PPFIA3: variants seen among roughly 807,000 people sequenced by gnomAD.
PPFIA3 encodes the protein liprin-alpha-3.
PPFIA3 carries 26 observed loss-of-function variants against 145.8 expected under a neutral mutation model. The ratio of observed to expected loss-of-function variants is 0.18; its 90% CI spans 0.13 to 0.25. The LOEUF (loss-of-function observed/expected upper bound fraction) is 0.25, where lower values mean the gene tolerates loss of function less well. Ranked by LOEUF, PPFIA3 falls within the 10% of genes least tolerant of loss-of-function variation. The probability of loss-of-function intolerance (pLI) is 1.00; values close to 1 mark genes in which losing one functional copy is unlikely to be tolerated. For synonymous variants in PPFIA3, 645 were observed against 661.4 expected (o/e 0.98, Z 0.38); for missense variants, 1,008 against 1,587.8 (o/e 0.63, Z 6.21).
chr19:49,127,332 G>C (rs2041011863), intron 1 of PPFIA3, among the ~76,000 whole-genome samples: 1 of 136,444 alleles, frequency 7.3e-6, no homozygotes. Flanking sequence ...AGGCTGCAGT[G>C]AGCCGAGATC....
intron 1 of PPFIA3, 135 bp downstream of exon 1, chr19:49,119,857 C>T (rs1031534196): frequency 1.3e-5 from 2 of 152,128 alleles, no homozygotes; most frequent in Non-Finnish European, 2.9e-5. Flanking sequence ...CACCCCAACC[C>T]CGGGGACTCA....
At chr19:49,125,960 G>GTT (rs113558397) in intron 1 of PPFIA3, among the ~76,000 whole-genome samples, 4 of 149,178 alleles carry the variant, frequency 2.7e-5, no homozygotes, top group African/African-American at 7.4e-5. Flanking sequence ...TGTTTGTTTT[G>GTT]TTTTTTTTTG....
chr19:49,137,135 C>T (rs1054847693), intron 15 of PPFIA3: 1 of 407,574 alleles, frequency 2.5e-6, no homozygotes, highest in East Asian at 3.6e-5. Flanking sequence ...ACTCACCATT[C>T]CCCAACACAC....
chr19:49,151,009 A>G lies in PPFIA3; in HGVS notation c.*787A>G. On this transcript the variant is annotated 3_prime_UTR_variant, in exon 30 of 30. Coordinates refer to ENST00000334186, the MANE Select transcript of PPFIA3 (RefSeq NM_003660.4). ...GGCGTCACTCAGTGATCACGGGTAA[A>G]GAGAACTGTTTCAAAAAGCTTCCTT... 3.2e-6 allele frequency: 1 copy of G among 317,364 alleles called. No homozygotes were observed. The highest frequency in any genetic ancestry group is 5.7e-6 in the Non-Finnish European group (1 of 175,990). The allele number at this position is 317,364 out of a possible 1,614,324, so 19.7% of individuals were successfully genotyped here. A position where few individuals can be genotyped will look rare whatever the true frequency, so the allele number is the denominator to read the frequency against.
At chr19:49,134,752 A>C in intron 12 of PPFIA3, 51 bp downstream of exon 12, 2 of 1,612,192 alleles carry the variant, frequency 1.2e-6, no homozygotes, top group Non-Finnish European at 1.7e-6. Flanking sequence ...GTGGTTGCTG[A>C]GGCTAGGGTC....
intron 11 of PPFIA3, 143 bp from the exon 12 acceptor site, chr19:49,134,496 T>C (rs2041113895): frequency 2.5e-6 from 2 of 803,972 alleles, no homozygotes; most frequent in African/African-American, 3.4e-5. Context: ...TCGTTGCCCC[T>C]GCTCCCCCGA....
chr19:49,150,123 G>T lies in PPFIA3; in HGVS notation c.3570G>T (p.Arg1190=). ...CCCGGGCAGACGGCGTTTCGGTCCG[G>T]ACCTATTCCTGCTAGTGCAGGCCTC... ...GSSRADGVSV[R]TYSC Residue 1190 remains arginine (R), a synonymous_variant, in exon 29 of 30, where the codon CGG becomes CGT. Coordinates refer to ENST00000334186, the MANE Select transcript of PPFIA3 (RefSeq NM_003660.4). 1 of 1,611,098 alleles carries T rather than the reference G, an allele frequency of 6.2e-7. No homozygotes were observed. Among genetic ancestry groups the T allele is most frequent in the Non-Finnish European group, 8.5e-7 (1 of 1,179,060 alleles).
At position 49,150,276 on chromosome 19, in the gene PPFIA3, T is replaced by TGG. The variant is rs2122671257; in HGVS notation, c.*55_*56insGG. On this transcript the variant is annotated 3_prime_UTR_variant, in exon 30 of 30. Coordinates refer to ENST00000334186, the MANE Select transcript of PPFIA3 (RefSeq NM_003660.4). ...CGGAAGAATCTTCCCGAGGCTGGGC[T>TGG]GTTCCCTCTCCTGCCCGGACTGTGG... is the stretch of plus-strand genomic sequence containing the variant. 1 of 947,502 alleles carries TGG rather than the reference T, an allele frequency of 1.1e-6. No individual in the cohort carries two copies. The highest frequency in any genetic ancestry group is 2.7e-5 in the East Asian group (1 of 37,022). The allele number at this position is 947,502 out of a possible 1,614,324, so 58.7% of individuals were successfully genotyped here.
Position 49,123,510 on chromosome 19 carries a change from G to A in PPFIA3, c.-16+3788G>A, listed in dbSNP as rs567294484. ...GGCCAGAGTGCAGTGACGCAATCCC[G>A]GCTCACTGCAACCTCCGCCTCCCGT... On this transcript the variant is annotated intron_variant, in intron 1 of 29. Transcript: ENST00000334186. Among the ~76,000 whole-genome samples, 38 of 149,104 alleles carry A rather than the reference G, an allele frequency of 2.5e-4. No individual in the cohort carries two copies. The South Asian group carries it at 3.7e-3, about 14-fold the overall frequency.
Position 49,149,386 on chromosome 19 carries a change from AG to A in PPFIA3, c.3354+66del. On this transcript the variant is annotated intron_variant, in intron 27 of 29. Coordinates refer to ENST00000334186, the MANE Select transcript of PPFIA3 (RefSeq NM_003660.4). This position sits in a 1 kb window ranked among gnomAD's most constrained non-coding sequence, Gnocchi z 5.7. ...AGCGGCTCCTCGAGAGGCTGAGCTG[AG>A]GGGGCGGGGCCTGACTATTAATGGT... 6.2e-7 allele frequency: 1 copy of A among 1,603,092 alleles called. No individual in the cohort carries two copies. The highest frequency in any genetic ancestry group is 8.5e-7 in the Non-Finnish European group (1 of 1,171,026).
Position 49,128,684 on chromosome 19 carries a change from C to T in PPFIA3, c.343-164C>T, listed in dbSNP as rs1789193548. ...ATAACTTTTCTCTTTTCTGTACCAC[C>T]GGTTCCTTGACCCCGACCTCCTCTC... On this transcript the variant is annotated intron_variant, in intron 3 of 29. Coordinates refer to ENST00000334186, the MANE Select transcript of PPFIA3 (RefSeq NM_003660.4). The surrounding 1 kb of genome is among the most constrained non-coding windows in gnomAD (Gnocchi z 4.1). 5.0e-6 allele frequency: 4 copies of T among 795,926 alleles called. No homozygotes were observed. The highest frequency in any genetic ancestry group is 3.5e-5 in the African/African-American group (2 of 57,200). 49.3% of individuals were successfully genotyped at this position (795,926 alleles called of 1,614,324 possible).
Position 49,149,572 on chromosome 19 carries a change from C to T in PPFIA3, c.3380C>T (p.Ser1127Phe). Reference protein sequence around the residue: ...DEDSAKSFSRSPSWRKMFREK... With the variant: ...DEDSAKSFSRFPSWRKMFREK... Reference sequence around the variant, plus strand: ...GACAGCGCCAAGTCTTTCAGCCGCTCCCCATCCTGGCGGAAGATGTTCCGG... The same window carrying T: ...GACAGCGCCAAGTCTTTCAGCCGCTTCCCATCCTGGCGGAAGATGTTCCGG... Residue 1127 changes from serine (S) to phenylalanine (F), a missense_variant, in exon 28 of 30, where the codon TCC becomes TTC. Ser to Phe is a radical substitution (Grantham distance 155, BLOSUM62 -2). Coordinates refer to ENST00000334186, the MANE Select transcript of PPFIA3 (RefSeq NM_003660.4). This position sits in a 1 kb window ranked among gnomAD's most constrained non-coding sequence, Gnocchi z 5.7. 1 of 1,614,198 alleles carries T rather than the reference C, an allele frequency of 6.2e-7. No individual in the cohort carries two copies. Among genetic ancestry groups the T allele is most frequent in the Middle Eastern group, 1.6e-4 (1 of 6,062 alleles).
At chr19:49,131,247 C>T (rs2041067380) in intron 7 of PPFIA3, among the ~76,000 whole-genome samples, 1 of 146,058 alleles carries the variant, frequency 6.8e-6, no homozygotes. Context: ...TGGCTCACTG[C>T]AACCTCTGCC....
chr19:49,145,586 C>T (rs567232934), intron 21 of PPFIA3: 9 of 286,284 alleles, frequency 3.1e-5, no homozygotes, highest in Middle Eastern at 1.2e-3. Flanking sequence ...AAATGTGAAC[C>T]CCCCCCGCCA....
At chr19:49,124,350 C>T (rs775658682) in intron 1 of PPFIA3, among the ~76,000 whole-genome samples, 2 of 152,046 alleles carry the variant, frequency 1.3e-5, no homozygotes, top group African/African-American at 2.4e-5. Flanking sequence ...TGAGCCACCG[C>T]GCCTGGCCCC....
chr19:49,137,231 C>G (rs1600339786), intron 15 of PPFIA3: 1 of 243,504 alleles, frequency 4.1e-6, no homozygotes. Flanking sequence ...TTTCACATAA[C>G]CAGTGCCCAG....
At chr19:49,136,621 A>G in intron 14 of PPFIA3, 103 bp from the exon 15 acceptor site, 1 of 679,788 alleles carries the variant, frequency 1.5e-6, no homozygotes, top group Non-Finnish European at 2.1e-6. Context: ...CTGGGCTGGG[A>G]AAAGCATCAG....
chr19:49,145,999 C>T lies in PPFIA3; in HGVS notation c.2802C>T (p.Thr934=). 6.2e-7 allele frequency: 1 copy of T among 1,614,026 alleles called. No individual in the cohort carries two copies. Among genetic ancestry groups the T allele is most frequent in the Non-Finnish European group, 8.5e-7 (1 of 1,179,954 alleles). Residue 934 remains threonine, a synonymous_variant, in exon 22 of 30, where the codon ACC becomes ACT. Transcript: ENST00000334186. ...AGATGGAGTCCCTTACGGCCACGACCAAGCCCGTGAGTGCCCCCTGCCGGC... is the reference window on the plus strand; with the variant it reads ...AGATGGAGTCCCTTACGGCCACGACTAAGCCCGTGAGTGCCCCCTGCCGGC... The part of the protein sequence containing the change: ...HEEMESLTAT[T]KPETKEISWE...
chr19:49,132,390 C>CAAAAAAAAAAAAAAA (rs11351172), intron 7 of PPFIA3, among the ~76,000 whole-genome samples: 2 of 43,672 alleles, frequency 4.6e-5, no homozygotes, highest in African/African-American at 1.0e-4. Flanking sequence ...CTCTCTCTCT[C>CAAAAAAAAAAAAAAA]AAAAAAAAAA....
Sources: gnomAD v4.1 joint callset for allele counts (sites outside exome capture counted in the v4.1 genomes callset) on GRCh38, gnomAD v4.1.1 for gene constraint, Gnocchi (gnomAD v3.1) non-coding constraint, MANE v1.5 for transcripts, NCBI Gene and HGNC (gene_info 2026-07-23, HGNC 2026-07-21) for gene names.